The following RAB11FIP1 variants were observed in gnomAD, a reference collection of about 807,000 sequenced individuals.
RAB11FIP1 encodes the protein RAB11 family interacting protein 1.
In RAB11FIP1, 49 loss-of-function variants were observed where a neutral mutation model predicts 83.1. That is an observed-to-expected ratio of 0.59 (90% CI 0.47 to 0.75). The LOEUF is 0.75. Ranked by LOEUF, RAB11FIP1 falls within the 30% of genes least tolerant of loss-of-function variation. The probability of loss-of-function intolerance (pLI) is 0.00; values close to 1 mark genes in which losing one functional copy is unlikely to be tolerated. For synonymous variants in RAB11FIP1, 670 were observed against 656.0 expected (o/e 1.02, Z -0.33); for missense variants, 1,536 against 1,598.7 (o/e 0.96, Z 0.67).
At chr8:37,870,273 G>T in intron 5 of RAB11FIP1, 147 bp downstream of exon 5, 1 of 506,464 alleles carries the variant, frequency 2.0e-6, no homozygotes, top group Admixed American at 3.6e-5. Context: ...ATGTCTGGGG[G>T]CTTCCAAAGT....
At position 37,863,002 on chromosome 8, in the gene RAB11FIP1, G is replaced by A. The variant is rs754242991; in HGVS notation, c.3745C>T (p.Arg1249Cys). ...TTGTCAATGTAGTCTTCCAGCTCGC[G>A]GACCTGGAACTCCTTCTTGCTTATC... Reference protein sequence around the residue: ...ETISKKEFQVRELEDYIDNLL... With the variant: ...ETISKKEFQVCELEDYIDNLL... Residue 1249 changes from arginine to cysteine, a missense_variant, in exon 6 of 6, where the codon CGC becomes TGC. Arg to Cys is a radical substitution (Grantham distance 180, BLOSUM62 -3). Transcript: ENST00000330843. The A allele has an allele frequency of 2.8e-5, 45 of 1,613,534 alleles. No homozygotes were observed. The highest frequency in any genetic ancestry group is 1.2e-4 in the South Asian group (11 of 91,046).
intron 1 of RAB11FIP1, among the ~76,000 whole-genome samples, chr8:37,890,499 G>T (rs1303386553): frequency 6.6e-6 from 1 of 152,110 alleles, no homozygotes; most frequent in Non-Finnish European, 1.5e-5. Flanking sequence ...GAACACCCTG[G>T]AGACTAAAGC....
At chr8:37,864,259 C>A (rs1337006834) in intron 5 of RAB11FIP1, among the ~76,000 whole-genome samples, 2 of 152,204 alleles carry the variant, frequency 1.3e-5, no homozygotes, top group Non-Finnish European at 2.9e-5. Context: ...TGATCTGGGG[C>A]CCCTGCAAGC....
chr8:37,880,008 T>C lies in RAB11FIP1; in HGVS notation c.372-2457A>G, dbSNP rs970340418. Among the ~76,000 whole-genome samples the C allele has an allele frequency of 6.6e-5, 10 of 152,218 alleles. No homozygotes were observed. In the East Asian group the frequency reaches 1.9e-3, roughly 29 times the overall value. ...TCAGAAAAAGTCACATTTCAAACAC[T>C]ATCCAAGAATTACACTTGGTCATTT... On this transcript the variant is annotated intron_variant, in intron 1 of 5. Coordinates refer to ENST00000330843, the MANE Select transcript of RAB11FIP1 (RefSeq NM_001002814.3).
intron 1 of RAB11FIP1, among the ~76,000 whole-genome samples, chr8:37,881,246 C>A (rs117980450): frequency 2.4e-3 from 363 of 152,322 alleles, no homozygotes; most frequent in Non-Finnish European, 4.0e-3. Flanking sequence ...CAAGGTCTTG[C>A]AACCACTATG....
At position 37,872,036 on chromosome 8, in the gene RAB11FIP1, C is replaced by G; in HGVS notation, c.2766G>C (p.Gln922His). The change falls in exon 4 of 6, where the codon CAG (glutamine) becomes CAC (histidine). Residue 922 changes from glutamine (Q) to histidine (H), a missense_variant. Coordinates refer to ENST00000330843, the MANE Select transcript of RAB11FIP1 (RefSeq NM_001002814.3). Reference sequence around the variant, plus strand: ...CGTGGTCACTGGCTTTGCTCTGATACTGAGTCACAAGGGCATCCTCTCCCT... The same window carrying G: ...CGTGGTCACTGGCTTTGCTCTGATAGTGAGTCACAAGGGCATCCTCTCCCT... ...RMEGEDALVT[Q>H]YQSKASDHEG... is the part of the protein sequence containing the mutation. 6.2e-7 allele frequency: 1 copy of G among 1,614,114 alleles called. No homozygotes were observed. The highest frequency in any genetic ancestry group is 8.5e-7 in the Non-Finnish European group (1 of 1,180,028).
chr8:37,884,998 G>GTT (rs112327410), intron 1 of RAB11FIP1, among the ~76,000 whole-genome samples: 10 of 136,744 alleles, frequency 7.3e-5, no homozygotes, highest in Non-Finnish European at 1.3e-4. Context: ...TTTTTTAATT[G>GTT]TTTTTTTTTT....
rs572629723 is a variant in RAB11FIP1, at chr8:37,863,122, G to T, written c.3634-9C>A. 6.2e-6 allele frequency: 10 copies of T among 1,604,376 alleles called. No individual in the cohort carries two copies. The highest frequency in any genetic ancestry group is 4.5e-5 in the East Asian group (2 of 44,788). ...TCCGAGGGGCTGTATTTCTTTGGAGGGGGGGAAATAGTTGGGAAAAAGGAG... is the reference window on the plus strand; with the variant it reads ...TCCGAGGGGCTGTATTTCTTTGGAGTGGGGGAAATAGTTGGGAAAAAGGAG... On this transcript the variant is annotated splice_polypyrimidine_tract_variant and intron_variant, in intron 5 of 5. Transcript: ENST00000330843.
At position 37,872,424 on chromosome 8, in the gene RAB11FIP1, T is replaced by A; in HGVS notation, c.2378A>T (p.Glu793Val). Reference protein sequence around the residue: ...SIDSMMRKLEEMGLNLRKDQK... With the variant: ...SIDSMMRKLEVMGLNLRKDQK... Reference sequence around the variant, plus strand: ...GTCCTTGCGGAGGTTCAGACCCATCTCTTCCAGCTTCCGCATCATGGAATC... The same window carrying A: ...GTCCTTGCGGAGGTTCAGACCCATCACTTCCAGCTTCCGCATCATGGAATC... The change falls in exon 4 of 6, where the codon GAG becomes GTG. Residue 793 changes from glutamate to valine, a missense_variant. Physicochemically the swap from Glu to Val is moderately radical, Grantham distance 121. Coordinates refer to ENST00000330843, the MANE Select transcript of RAB11FIP1 (RefSeq NM_001002814.3). 1.2e-6 allele frequency: 2 copies of A among 1,614,192 alleles called. No individual in the cohort carries two copies. Among genetic ancestry groups the A allele is most frequent in the Non-Finnish European group, 1.7e-6 (2 of 1,180,036 alleles).
intron 1 of RAB11FIP1, among the ~76,000 whole-genome samples, chr8:37,892,828 G>A (rs1036772461): frequency 4.0e-5 from 6 of 151,854 alleles, no homozygotes; most frequent in African/African-American, 9.7e-5. Flanking sequence ...ACACAAGCAC[G>A]CCCCCACTTC....
chr8:37,882,480 C>T (rs1806749364), intron 1 of RAB11FIP1, among the ~76,000 whole-genome samples: 1 of 152,172 alleles, frequency 6.6e-6, no homozygotes, highest in Admixed American at 6.5e-5. Flanking sequence ...AATCCTTTAT[C>T]ACAAACCCTT....
chr8:37,891,296 A>ACT (rs1396350334), intron 1 of RAB11FIP1, among the ~76,000 whole-genome samples: 1 of 151,956 alleles, frequency 6.6e-6, no homozygotes, highest in Non-Finnish European at 1.5e-5. Context: ...ACCTCCCATC[A>ACT]CTCTCTCTAT....
chr8:37,861,694 T>C lies in RAB11FIP1; in HGVS notation c.*1201A>G. The C allele has an allele frequency of 2.5e-6, 1 of 397,010 alleles. No individual in the cohort carries two copies. Among genetic ancestry groups the C allele is most frequent in the Non-Finnish European group, 4.9e-6 (1 of 206,030 alleles). The allele number at this position is 397,010 out of a possible 1,614,324, so 24.6% of individuals were successfully genotyped here. A position where few individuals can be genotyped will look rare whatever the true frequency, so the allele number is the denominator to read the frequency against. On this transcript the variant is annotated 3_prime_UTR_variant, in exon 6 of 6. Transcript: ENST00000330843. ...GCCTCCATCTCCCAAGTTCAAGCAA[T>C]TCTCCTGCCCCAGCCTCCCGAGTAG...
chr8:37,872,205 G>T lies in RAB11FIP1; in HGVS notation c.2597C>A (p.Ser866Ter), dbSNP rs377020087. Residue 866 changes from serine (S) to a stop codon, truncating the protein, a stop_gained, in exon 4 of 6, where the codon TCG becomes TAG. Transcript: ENST00000330843. LOFTEE classifies it high-confidence loss of function. ...CGTCGCTGGCCCAGGTGTGGTCACC[G>T]ATTCCCTTTCTGAGTCCTCTGCGTG... is the stretch of plus-strand genomic sequence containing the variant. Reference protein sequence around the residue: ...SPHAEDSERESVTTPGPATCG... With the variant: ...SPHAEDSERE 7 of 1,614,024 alleles carry T rather than the reference G, an allele frequency of 4.3e-6. No individual in the cohort carries two copies. The South Asian group carries it at 6.6e-5, about 15-fold the overall frequency.
In RAB11FIP1 at chr8:37,871,314, G is replaced by A. The variant is rs544375165; in HGVS notation, c.3488C>T (p.Ala1163Val). Residue 1163 changes from alanine to valine, a missense_variant, in exon 4 of 6, where the codon GCT becomes GTT. Physicochemically the swap from Ala to Val is moderately conservative, Grantham distance 64 (BLOSUM62 0). Transcript: ENST00000330843. ...VSPSETHPVSAQPGAGTGSAK... is the reference protein window; with the variant it reads ...VSPSETHPVSVQPGAGTGSAK... ...TGACCCAGTTCCAGCGCCTGGCTGAGCTGAGACTGGATGTGTCTCCGAGGG... is the reference window on the plus strand; with the variant it reads ...TGACCCAGTTCCAGCGCCTGGCTGAACTGAGACTGGATGTGTCTCCGAGGG... 1 of 1,613,270 alleles carries A rather than the reference G, an allele frequency of 6.2e-7. No individual in the cohort carries two copies. Among genetic ancestry groups the A allele is most frequent in the South Asian group, 1.1e-5 (1 of 91,000 alleles).
In RAB11FIP1 at chr8:37,872,768, T is replaced by C; in HGVS notation, c.2034A>G (p.Thr678=). The change falls in exon 4 of 6, where the codon ACA becomes ACG. Residue 678 remains threonine, a synonymous_variant. Coordinates refer to ENST00000330843, the MANE Select transcript of RAB11FIP1 (RefSeq NM_001002814.3). The stretch of plus-strand genomic sequence containing the variant: ...GGCTGCTGGTGTTCTTCTCTGTGCC[T>C]GTCTCACGGGTCCTGCCCATCAGAG... ...EDSLMGRTRE[T]GTEKNTSSLE... 1 of 1,614,252 alleles carries C rather than the reference T, an allele frequency of 6.2e-7. No homozygotes were observed. The highest frequency in any genetic ancestry group is 1.1e-5 in the South Asian group (1 of 91,090).
chr8:37,863,841 T>G (rs886940694), intron 5 of RAB11FIP1, among the ~76,000 whole-genome samples: 2 of 152,184 alleles, frequency 1.3e-5, no homozygotes. Context: ...GCTCACTCCT[T>G]TGGGAACACT....
rs1407612554 is a variant in RAB11FIP1 at position 37,860,777 on chromosome 8, T to G, written c.*2118A>C. 6.6e-6 allele frequency: 1 copy of G among 152,592 alleles called. No homozygotes were observed. The highest frequency in any genetic ancestry group is 2.4e-5 in the African/African-American group (1 of 41,438). 9.5% of individuals were successfully genotyped at this position (152,592 alleles called of 1,614,324 possible). On this transcript the variant is annotated 3_prime_UTR_variant, in exon 6 of 6. Coordinates refer to ENST00000330843, the MANE Select transcript of RAB11FIP1 (RefSeq NM_001002814.3). ...GTGGTCCCAGTACTGTAGGAGAGAATTAAATAAAATAAAATAGCTGTAGAT... is the reference window on the plus strand; with the variant it reads ...GTGGTCCCAGTACTGTAGGAGAGAAGTAAATAAAATAAAATAGCTGTAGAT...
chr8:37,873,575 C>T (rs941986938), intron 3 of RAB11FIP1, among the ~76,000 whole-genome samples: 2 of 151,958 alleles, frequency 1.3e-5, no homozygotes, highest in South Asian at 2.1e-4. Context: ...CACTGCACTC[C>T]AGCCTGGGCG....
Sources: allele counts gnomAD v4.1 joint callset (sites outside exome capture counted in the v4.1 genomes callset), GRCh38; gene constraint gnomAD v4.1.1; transcripts MANE v1.5; gene names NCBI Gene and HGNC (gene_info 2026-07-23, HGNC 2026-07-21).